GPIHBP1: variants seen among roughly 807,000 people sequenced by gnomAD.
GPIHBP1 encodes the protein glycosylphosphatidylinositol anchored high density lipoprotein binding protein 1, also known as glycosylphosphatidylinositol-anchored high density lipoprotein-binding protein 1.
A neutral mutation model predicts 13.0 loss-of-function variants in GPIHBP1; 11 were observed. The observed-to-expected ratio is 0.84, with a 90% CI of 0.53 to 1.40. The LOEUF (loss-of-function observed/expected upper bound fraction) is 1.40. GPIHBP1 is among the 40% of genes most tolerant of loss of function. The pLI, the probability that GPIHBP1 is intolerant of heterozygous loss-of-function variation, is 0.00. For missense variants in GPIHBP1, 231 were observed against 241.1 expected, an observed-to-expected ratio of 0.96 and a Z score of 0.28; for synonymous variants, 106 against 102.2, an observed-to-expected ratio of 1.04 and a Z score of -0.22.
In GPIHBP1 at chr8:143,214,138, G is replaced by T. The variant is rs1816264542; in HGVS notation, c.181+188G>T. Among the ~76,000 whole-genome samples the T allele has an allele frequency of 6.6e-6, 1 of 152,090 alleles. No homozygotes were observed. Among genetic ancestry groups the T allele is most frequent in the Non-Finnish European group, 1.5e-5 (1 of 68,002 alleles). The stretch of plus-strand genomic sequence containing the variant: ...CAGTTGCCTTCCAGAGTAGGGAACA[G>T]GGGAAGAAGCCACCAGCTGGGAGGG... On this transcript the variant is annotated intron_variant, in intron 2 of 3. Transcript: ENST00000622500. This position sits in a 1 kb window ranked among gnomAD's most constrained non-coding sequence, Gnocchi z 4.1.
rs767655645 is a variant in GPIHBP1 at position 143,215,501 on chromosome 8, G to T, written c.538G>T (p.Gly180Trp). Residue 180 changes from glycine (G) to tryptophan (W), a missense_variant, in exon 4 of 4, where the codon GGG becomes TGG. Gly to Trp is a radical substitution (Grantham distance 184). Transcript: ENST00000622500. ...CCTCCTTGCCGGCCTTGGAGCAATG[G>T]GGGCCAGGAGACCCTGACCCACGGC... is the stretch of plus-strand genomic sequence containing the variant. Reference protein sequence around the residue: ...LNLLAGLGAMGARRP With the variant: ...LNLLAGLGAMWARRP 6.2e-7 allele frequency: 1 copy of T among 1,604,638 alleles called. No individual in the cohort carries two copies. The highest frequency in any genetic ancestry group is 2.2e-5 in the East Asian group (1 of 44,580).
intron 1 of GPIHBP1, 152 bp downstream of exon 1, chr8:143,213,471 G>A (rs1292174691): frequency 1.4e-6 from 1 of 737,386 alleles, no homozygotes; most frequent in East Asian, 2.7e-5. Flanking sequence ...AAGCTGGCCT[G>A]GGTCCCCGAG....
chr8:143,213,729 G>A (rs2130670841), intron 1 of GPIHBP1, 93 bp from the exon 2 acceptor site: 3 of 1,543,810 alleles, frequency 1.9e-6, no homozygotes, highest in Non-Finnish European at 2.6e-6. Context: ...GATGGCTGGG[G>A]AGGGCCAAGG....
At position 143,216,896 on chromosome 8, in the gene GPIHBP1, CTTCTT is replaced by C. The variant is rs1816320842; in HGVS notation, c.*1382_*1386del. ...GCGGGAGGCCTCCGCTAACTGTTCT[CTTCTT>C]TTCCTTATTAATAAAACACACAATG... On this transcript the variant is annotated 3_prime_UTR_variant, in exon 4 of 4. Coordinates refer to ENST00000622500, the MANE Select transcript of GPIHBP1 (RefSeq NM_178172.6). 6.6e-6 allele frequency: 1 copy of C among 152,188 alleles called. No individual in the cohort carries two copies. The highest frequency in any genetic ancestry group is 2.4e-5 in the African/African-American group (1 of 41,420). 9.4% of individuals were successfully genotyped at this position (152,188 alleles called of 1,614,324 possible). A position where few individuals can be genotyped will look rare whatever the true frequency, so the allele number is the denominator to read the frequency against.
rs1188893843 is a variant in GPIHBP1 at position 143,215,423 on chromosome 8, G to T, written c.460G>T (p.Ala154Ser). The T allele has an allele frequency of 6.2e-7, 1 of 1,612,696 alleles. No individual in the cohort carries two copies. Among genetic ancestry groups the T allele is most frequent in the Non-Finnish European group, 8.5e-7 (1 of 1,179,944 alleles). ...SRVQDPTGKG[A>S]GGPRGSSETV... ...AGTCCAGGACCCAACAGGCAAGGGGGCAGGCGGCCCCCGGGGCAGCTCCGA... is the reference window on the plus strand; with the variant it reads ...AGTCCAGGACCCAACAGGCAAGGGGTCAGGCGGCCCCCGGGGCAGCTCCGA... The change falls in exon 4 of 4, where the codon GCA (alanine) becomes TCA (serine). Residue 154 changes from alanine (A) to serine (S), a missense_variant. Transcript: ENST00000622500.
Position 143,214,942 on chromosome 8 carries a change from G to A in GPIHBP1, c.182-71G>A. ...GGCTTTGGGAGCACAGCTGAGAACG[G>A]GGAGGTGGACAGGGACGTGGGAGGA... is the stretch of plus-strand genomic sequence containing the variant. On this transcript the variant is annotated intron_variant, in intron 2 of 3. Coordinates refer to ENST00000622500, the MANE Select transcript of GPIHBP1 (RefSeq NM_178172.6). This position sits in a 1 kb window ranked among gnomAD's most constrained non-coding sequence, Gnocchi z 4.1. 3 of 1,046,704 alleles carry A rather than the reference G, an allele frequency of 2.9e-6. No homozygotes were observed. In the Admixed American group the frequency reaches 6.0e-5, roughly 21 times the overall value. The allele number at this position is 1,046,704 out of a possible 1,614,324, so 64.8% of individuals were successfully genotyped here.
chr8:143,216,462 C>T lies in GPIHBP1; in HGVS notation c.*944C>T, dbSNP rs1816313527. 1 of 152,256 alleles carries T rather than the reference C, an allele frequency of 6.6e-6. No individual in the cohort carries two copies. Among genetic ancestry groups the T allele is most frequent in the African/African-American group, 2.4e-5 (1 of 41,440 alleles). The allele number at this position is 152,256 out of a possible 1,614,324, so 9.4% of individuals were successfully genotyped here. The stretch of plus-strand genomic sequence containing the variant: ...GCCCTCTAGACTCCAGTCCCCAAGC[C>T]CTCAGCCTAGTGGGTGTCATGGATG... On this transcript the variant is annotated 3_prime_UTR_variant, in exon 4 of 4. Coordinates refer to ENST00000622500, the MANE Select transcript of GPIHBP1 (RefSeq NM_178172.6).
In GPIHBP1 at chr8:143,213,962, C is replaced by G; in HGVS notation, c.181+12C>G. The G allele has an allele frequency of 1.3e-6, 2 of 1,549,854 alleles. No individual in the cohort carries two copies. The highest frequency in any genetic ancestry group is 1.7e-6 in the Non-Finnish European group (2 of 1,146,454). On this transcript the variant is annotated intron_variant, in intron 2 of 3. Transcript: ENST00000622500. The stretch of plus-strand genomic sequence containing the variant: ...TGGCAGGAGCAGAGGTATGGCCGCC[C>G]CAACCCCAGAGCCCTGCTGCCTGAT...
rs1375983996 is a variant in GPIHBP1 at position 143,216,201 on chromosome 8, G to A, written c.*683G>A. ...GTGAGCACCGCTATGGGAGACCCTGGCTTGGAAAGTGAACTTGCAGCCTTG... is the reference window on the plus strand; with the variant it reads ...GTGAGCACCGCTATGGGAGACCCTGACTTGGAAAGTGAACTTGCAGCCTTG... On this transcript the variant is annotated 3_prime_UTR_variant, in exon 4 of 4. Transcript: ENST00000622500. 6.5e-6 allele frequency: 1 copy of A among 152,774 alleles called. No individual in the cohort carries two copies. Among genetic ancestry groups the A allele is most frequent in the Non-Finnish European group, 1.5e-5 (1 of 68,576 alleles). The allele number at this position is 152,774 out of a possible 1,614,324, so 9.5% of individuals were successfully genotyped here. A position where few individuals can be genotyped will look rare whatever the true frequency, so the allele number is the denominator to read the frequency against.
In GPIHBP1 at chr8:143,215,371, C is replaced by CA; in HGVS notation, c.410dup (p.Asn137LysfsTer170). The CA allele has an allele frequency of 6.2e-7, 1 of 1,612,946 alleles. No individual in the cohort carries two copies. Among genetic ancestry groups the CA allele is most frequent in the Non-Finnish European group, 8.5e-7 (1 of 1,180,006 alleles). On this transcript the variant is annotated frameshift_variant, in exon 4 of 4. Transcript: ENST00000622500. LOFTEE classifies it low-confidence loss of function (END_TRUNC). ...TGACCTGCTGCCAGTCCAGCCTGTG[C>CA]AATGTCCCACCCTGGCAAAGCTCCC...
Position 143,215,330 on chromosome 8 carries a change from G to T in GPIHBP1, c.367G>T (p.Gly123Trp). The change falls in exon 4 of 4, where the codon GGG becomes TGG. Residue 123 changes from glycine to tryptophan, a missense_variant. Coordinates refer to ENST00000622500, the MANE Select transcript of GPIHBP1 (RefSeq NM_178172.6). ...CCAGCCCATCACCAAGACGGTGGAGGGGACCCAGGTGACCATGACCTGCTG... is the reference window on the plus strand; with the variant it reads ...CCAGCCCATCACCAAGACGGTGGAGTGGACCCAGGTGACCATGACCTGCTG... ...SCQPITKTVEGTQVTMTCCQS... is the reference protein window; with the variant it reads ...SCQPITKTVEWTQVTMTCCQS... 1 of 1,612,876 alleles carries T rather than the reference G, an allele frequency of 6.2e-7. No homozygotes were observed. Among genetic ancestry groups the T allele is most frequent in the Non-Finnish European group, 8.5e-7 (1 of 1,180,004 alleles).
At position 143,215,467 on chromosome 8, in the gene GPIHBP1, C is replaced by G. The variant is rs775697635; in HGVS notation, c.504C>G (p.Leu168=). 4 of 1,611,936 alleles carry G rather than the reference C, an allele frequency of 2.5e-6. No homozygotes were observed. The highest frequency in any genetic ancestry group is 3.4e-6 in the Non-Finnish European group (4 of 1,179,778). The change falls in exon 4 of 4, where the codon CTC becomes CTG. Residue 168 remains leucine (L), a synonymous_variant. Coordinates refer to ENST00000622500, the MANE Select transcript of GPIHBP1 (RefSeq NM_178172.6). ...RGSSETVGAA[L]LLNLLAGLGA... ...GCTCCGAAACTGTGGGCGCAGCCCT[C>G]CTGCTCAACCTCCTTGCCGGCCTTG...
At chr8:143,213,425 G>A (rs1816250539) in intron 1 of GPIHBP1, 106 bp downstream of exon 1, 1 of 969,798 alleles carries the variant, frequency 1.0e-6, no homozygotes, top group Non-Finnish European at 1.6e-6. Context: ...AGGAGGGGAT[G>A]AGGCTGGAGT....
At position 143,214,999 on chromosome 8, in the gene GPIHBP1, C is replaced by G. The variant is rs773126617; in HGVS notation, c.182-14C>G. The stretch of plus-strand genomic sequence containing the variant: ...GGGGGGCCCGGCCTCGGCCTGAGCC[C>G]GCCTTGTCCCCAGTGCTGCTGCGGT... On this transcript the variant is annotated splice_polypyrimidine_tract_variant and intron_variant, in intron 2 of 3. Coordinates refer to ENST00000622500, the MANE Select transcript of GPIHBP1 (RefSeq NM_178172.6). This position sits in a 1 kb window ranked among gnomAD's most constrained non-coding sequence, Gnocchi z 4.1. 7.1e-6 allele frequency: 11 copies of G among 1,545,038 alleles called. No homozygotes were observed. Among genetic ancestry groups the G allele is most frequent in the Non-Finnish European group, 9.7e-6 (11 of 1,139,868 alleles).
At position 143,215,896 on chromosome 8, in the gene GPIHBP1, T is replaced by G; in HGVS notation, c.*378T>G. On this transcript the variant is annotated 3_prime_UTR_variant, in exon 4 of 4. Transcript: ENST00000622500. ...TCACCCTTAACTTCTGCCATGGGAA[T>G]TCCTCCATCTGCAGCGGTCACACGG... 3 of 254,016 alleles carry G rather than the reference T, an allele frequency of 1.2e-5. No individual in the cohort carries two copies. The highest frequency in any genetic ancestry group is 2.2e-5 in the African/African-American group (1 of 45,086). The allele number at this position is 254,016 out of a possible 1,614,324, so 15.7% of individuals were successfully genotyped here. A position where few individuals can be genotyped will look rare whatever the true frequency, so the allele number is the denominator to read the frequency against.
rs1400085697 is a variant in GPIHBP1, at chr8:143,215,364, G to A, written c.401G>A (p.Ser134Asn). 2 of 1,612,960 alleles carry A rather than the reference G, an allele frequency of 1.2e-6. No homozygotes were observed. The change falls in exon 4 of 4, where the codon AGC (serine) becomes AAC (asparagine). Residue 134 changes from serine (S) to asparagine (N), a missense_variant. Transcript: ENST00000622500. Reference sequence around the variant, plus strand: ...GTGACCATGACCTGCTGCCAGTCCAGCCTGTGCAATGTCCCACCCTGGCAA... The same window carrying A: ...GTGACCATGACCTGCTGCCAGTCCAACCTGTGCAATGTCCCACCCTGGCAA... ...TQVTMTCCQS[S>N]LCNVPPWQSS...
In GPIHBP1 at chr8:143,214,818, C is replaced by A. The variant is rs1041367353; in HGVS notation, c.182-195C>A. ...CCTGCCTGACCCGCAATCCCTTGCC[C>A]CCTAAACACACAGGCTCACGCACAC... On this transcript the variant is annotated intron_variant, in intron 2 of 3. Coordinates refer to ENST00000622500, the MANE Select transcript of GPIHBP1 (RefSeq NM_178172.6). The surrounding 1 kb of genome is among the most constrained non-coding windows in gnomAD (Gnocchi z 4.1). Among the ~76,000 whole-genome samples the A allele has an allele frequency of 2.0e-5, 3 of 152,208 alleles. No individual in the cohort carries two copies. The highest frequency in any genetic ancestry group is 7.2e-5 in the African/African-American group (3 of 41,444).
chr8:143,213,417 G>A, intron 1 of GPIHBP1, 98 bp downstream of exon 1: 1 of 1,049,680 alleles, frequency 9.5e-7, no homozygotes. Context: ...TAGGAAGAAG[G>A]AGGGGATGAG....
chr8:143,215,866 A>G lies in GPIHBP1; in HGVS notation c.*348A>G. 1 of 365,888 alleles carries G rather than the reference A, an allele frequency of 2.7e-6. No homozygotes were observed. The highest frequency in any genetic ancestry group is 5.0e-6 in the Non-Finnish European group (1 of 199,530). The allele number at this position is 365,888 out of a possible 1,614,324, so 22.7% of individuals were successfully genotyped here. A position where few individuals can be genotyped will look rare whatever the true frequency, so the allele number is the denominator to read the frequency against. On this transcript the variant is annotated 3_prime_UTR_variant, in exon 4 of 4. Coordinates refer to ENST00000622500, the MANE Select transcript of GPIHBP1 (RefSeq NM_178172.6). ...CACACACCTGGGGGCCCCCACACCCAGTCCTCACCCTTAACTTCTGCCATG... is the reference window on the plus strand; with the variant it reads ...CACACACCTGGGGGCCCCCACACCCGGTCCTCACCCTTAACTTCTGCCATG...
Sources: gnomAD v4.1 joint callset for allele counts (sites outside exome capture counted in the v4.1 genomes callset) on GRCh38, gnomAD v4.1.1 for gene constraint, Gnocchi (gnomAD v3.1) non-coding constraint, MANE v1.5 for transcripts, NCBI Gene and HGNC (gene_info 2026-07-23, HGNC 2026-07-21) for gene names.